Variants in DTNBP1 observed in about 807,000 individuals in gnomAD.
The protein encoded by DTNBP1 is dysbindin.
Under a neutral mutation model 42.8 loss-of-function variants are expected in DTNBP1, and 35 were observed. The observed-to-expected ratio is 0.82, with a 90% CI of 0.63 to 1.09. DTNBP1 has a LOEUF of 1.09. Ranked by LOEUF, DTNBP1 falls within the 50% of genes least tolerant of loss-of-function variation. The pLI is 0.00. For missense variants in DTNBP1, 457 were observed against 424.2 expected, an observed-to-expected ratio of 1.08 and a Z score of -0.68; for synonymous variants, 171 against 162.2, an observed-to-expected ratio of 1.05 and a Z score of -0.41.
intron 6 of DTNBP1, among the ~76,000 whole-genome samples, chr6:15,595,393 T>C (rs1392040500): frequency 6.6e-6 from 1 of 150,570 alleles, no homozygotes; most frequent in Admixed American, 6.7e-5. Context: ...GCCTCCCGAG[T>C]AGCTGGGATT....
At chr6:15,614,902 C>T (rs1296513072) in intron 6 of DTNBP1, among the ~76,000 whole-genome samples, 4 of 152,198 alleles carry the variant, frequency 2.6e-5, no homozygotes, top group Admixed American at 2.6e-4. Flanking sequence ...TGAGCTCATG[C>T]TCCTTTCCTT....
At chr6:15,639,281 A>T (rs545936802) in intron 3 of DTNBP1, among the ~76,000 whole-genome samples, 1 of 152,186 alleles carries the variant, frequency 6.6e-6, no homozygotes, top group African/African-American at 2.4e-5. Context: ...TATTTTTGCA[A>T]TTTTTTTGTA....
At chr6:15,585,924 A>G (rs1472209459) in intron 7 of DTNBP1, 1 of 1,387,976 alleles carries the variant, frequency 7.2e-7, no homozygotes, top group Non-Finnish European at 9.3e-7. Context: ...TAAGCCTATT[A>G]GTTTTTTGCT....
chr6:15,532,408 G>A (rs1460448579), intron 8 of DTNBP1, among the ~76,000 whole-genome samples: 1 of 152,170 alleles, frequency 6.6e-6, no homozygotes, highest in Non-Finnish European at 1.5e-5. Context: ...AATATATTAG[G>A]ATACATCATG....
At chr6:15,584,293 T>C (rs1775963457) in intron 7 of DTNBP1, among the ~76,000 whole-genome samples, 2 of 152,274 alleles carry the variant, frequency 1.3e-5, no homozygotes, top group South Asian at 2.1e-4. Flanking sequence ...TATCAGATTA[T>C]ACCTATATGC....
intron 7 of DTNBP1, among the ~76,000 whole-genome samples, chr6:15,571,666 G>C (rs1484043095): frequency 6.6e-6 from 1 of 152,186 alleles, no homozygotes; most frequent in Non-Finnish European, 1.5e-5. Context: ...CTGGAACCCA[G>C]TATCAGCCCA....
chr6:15,611,947 T>C (rs1187858809), intron 6 of DTNBP1, among the ~76,000 whole-genome samples: 1 of 152,228 alleles, frequency 6.6e-6, no homozygotes, highest in African/African-American at 2.4e-5. Flanking sequence ...GAATGTTATG[T>C]ACACTGAGTT....
intron 5 of DTNBP1, among the ~76,000 whole-genome samples, chr6:15,616,834 C>T (rs1474606799): frequency 6.6e-6 from 1 of 152,078 alleles, no homozygotes; most frequent in Admixed American, 6.5e-5. Flanking sequence ...GTCAAAATGC[C>T]TCTGTTTGCA....
chr6:15,571,962 C>T (rs1193870652), intron 7 of DTNBP1, among the ~76,000 whole-genome samples: 1 of 152,054 alleles, frequency 6.6e-6, no homozygotes, highest in Non-Finnish European at 1.5e-5. Context: ...AGTTCTGAAG[C>T]CAATTTCCAT....
At chr6:15,589,405 A>G (rs917304230) in intron 7 of DTNBP1, among the ~76,000 whole-genome samples, 2 of 152,164 alleles carry the variant, frequency 1.3e-5, no homozygotes, top group African/African-American at 4.8e-5. Context: ...CCTCACCTGT[A>G]CCATTCAGCC....
intron 3 of DTNBP1, among the ~76,000 whole-genome samples, chr6:15,649,787 G>A (rs1162845690): frequency 3.3e-5 from 5 of 152,184 alleles, no homozygotes; most frequent in Middle Eastern, 3.4e-3. Flanking sequence ...ACCGTCTTAC[G>A]GATGTAAATT....
intron 7 of DTNBP1, among the ~76,000 whole-genome samples, chr6:15,561,807 C>G (rs185590303): frequency 6.6e-6 from 1 of 152,108 alleles, no homozygotes; most frequent in Non-Finnish European, 1.5e-5. Flanking sequence ...GTCATGAAGA[C>G]CCTGTTGATA....
intron 7 of DTNBP1, among the ~76,000 whole-genome samples, chr6:15,590,729 T>C (rs1189173081): frequency 6.6e-6 from 1 of 152,170 alleles, no homozygotes; most frequent in Admixed American, 6.5e-5. Context: ...CAACAACTGG[T>C]TTCAATAATC....
intron 7 of DTNBP1, among the ~76,000 whole-genome samples, chr6:15,574,557 T>C (rs957287517): frequency 3.3e-5 from 5 of 152,238 alleles, no homozygotes; most frequent in Admixed American, 6.5e-5. Flanking sequence ...TCTGAGCATA[T>C]TGTTTTCACC....
chr6:15,613,323 A>G (rs200212427), intron 6 of DTNBP1, among the ~76,000 whole-genome samples: 103,769 of 103,966 alleles, frequency 1, 51,787 homozygotes, highest in Middle Eastern at 1. Flanking sequence ...AAAAAAAAAA[A>G]AAAAAAAAAT....
intron 6 of DTNBP1, 69 bp from the exon 7 acceptor site, chr6:15,593,150 C>A (rs890137750): frequency 1.4e-6 from 2 of 1,404,630 alleles, no homozygotes; most frequent in African/African-American, 2.9e-5. Context: ...ACTGTTCTTC[C>A]ATCATAATAA....
rs1038240682 is a variant in DTNBP1 at position 15,557,187 on chromosome 6, G to A, written c.512-23792C>T. On this transcript the variant is annotated intron_variant, in intron 7 of 9. Transcript: ENST00000344537. ...CTGGCTAAACAGTTTTACATGTAAG[G>A]TGTGTTAAAAGTAGAATGTGTTTTT... Among the ~76,000 whole-genome samples the A allele has an allele frequency of 4.0e-5, 6 of 151,896 alleles. No individual in the cohort carries two copies. The East Asian group carries it at 1.2e-3, about 29-fold the overall frequency.
rs1371451115 is a variant in DTNBP1 at position 15,656,425 on chromosome 6, A to T, written c.57-4285T>A. On this transcript the variant is annotated intron_variant, in intron 1 of 9. Transcript: ENST00000344537. The stretch of plus-strand genomic sequence containing the variant: ...ATTTTTAGATAGCTCCAACGACTTC[A>T]CCTTAATTTGACACCAGCATATTTA... Among the ~76,000 whole-genome samples, 3 of 152,196 alleles carry T rather than the reference A, an allele frequency of 2.0e-5. No individual in the cohort carries two copies. In the East Asian group the frequency reaches 5.8e-4, roughly 29 times the overall value.
At chr6:15,556,320 T>C (rs1236648833) in intron 7 of DTNBP1, among the ~76,000 whole-genome samples, 1 of 152,086 alleles carries the variant, frequency 6.6e-6, no homozygotes, top group Non-Finnish European at 1.5e-5. Context: ...TAGCTGGGAT[T>C]ACAGCCATGC....
Sources: gnomAD v4.1 joint callset for allele counts (sites outside exome capture counted in the v4.1 genomes callset) on GRCh38, gnomAD v4.1.1 for gene constraint, MANE v1.5 for transcripts, NCBI Gene and HGNC (gene_info 2026-07-23, HGNC 2026-07-21) for gene names.